Variants in TMEM132D observed in about 807,000 individuals in gnomAD.
TMEM132D encodes the protein transmembrane protein 132D, also known as mature OL transmembrane protein.
Under a neutral mutation model 62.3 loss-of-function variants are expected in TMEM132D, and 21 were observed. The ratio of observed to expected loss-of-function variants is 0.34; its 90% CI spans 0.24 to 0.49. The LOEUF (loss-of-function observed/expected upper bound fraction) is 0.49. Among genes scored for constraint, TMEM132D ranks in the 20% least tolerant of loss-of-function variants. The pLI is 0.99. For missense variants in TMEM132D, 1,346 were observed against 1,402.8 expected (o/e 0.96, Z 0.65); for synonymous variants, 621 against 575.6 (o/e 1.08, Z -1.13).
chr12:129,341,399 G>A (rs990635070), intron 3 of TMEM132D, among the ~76,000 whole-genome samples: 21 of 152,142 alleles, frequency 1.4e-4, no homozygotes, highest in African/African-American at 4.8e-4. Context: ...CATTCAAATT[G>A]CCTGGAGGAA....
At chr12:129,116,501 A>T (rs113170761) in intron 5 of TMEM132D, among the ~76,000 whole-genome samples, 26 of 111,756 alleles carry the variant, frequency 2.3e-4, no homozygotes, top group Non-Finnish European at 3.7e-4. Context: ...ATATCTGATT[A>T]AAAAAAACTA....
At chr12:129,668,666 T>C (rs1433109411) in intron 2 of TMEM132D, among the ~76,000 whole-genome samples, 2 of 152,224 alleles carry the variant, frequency 1.3e-5, no homozygotes, top group Non-Finnish European at 2.9e-5. Context: ...ATTTGAAGCA[T>C]ATTTGTTCCT....
intron 4 of TMEM132D, among the ~76,000 whole-genome samples, chr12:129,254,582 A>T (rs928356733): frequency 2.8e-4 from 43 of 152,148 alleles, no homozygotes; most frequent in Non-Finnish European, 2.9e-5. Context: ...AAATGAGATT[A>T]TGTCTGTAAA....
At chr12:129,882,909 C>T (rs1423257011) in intron 1 of TMEM132D, among the ~76,000 whole-genome samples, 1 of 152,144 alleles carries the variant, frequency 6.6e-6, no homozygotes, top group Non-Finnish European at 1.5e-5. Flanking sequence ...AAGAAACCTA[C>T]AACTAACATC....
chr12:129,335,104 T>C (rs541699837), intron 4 of TMEM132D, among the ~76,000 whole-genome samples: 6 of 150,694 alleles, frequency 4.0e-5, no homozygotes, highest in African/African-American at 9.7e-5. Context: ...GTGTTTGCTA[T>C]AGGCTGGGTA....
rs555009817 is a variant in TMEM132D at position 129,842,434 on chromosome 12, C to A, written c.79+60827G>T. Among the ~76,000 whole-genome samples, 5 of 151,074 alleles carry A rather than the reference C, an allele frequency of 3.3e-5. No homozygotes were observed. The East Asian group carries it at 1.0e-3, about 30-fold the overall frequency. ...CGATGTCTTGCCAATCCTACTGATG[C>A]CATTGAGGCAGAAATATTTCTTTTT... On this transcript the variant is annotated intron_variant, in intron 1 of 8. Transcript: ENST00000422113.
chr12:129,782,231 C>T (rs1453011216), intron 1 of TMEM132D, among the ~76,000 whole-genome samples: 1 of 152,148 alleles, frequency 6.6e-6, no homozygotes, highest in East Asian at 1.9e-4. Context: ...GTGAAAATTT[C>T]CTTTGAGCAC....
intron 1 of TMEM132D, among the ~76,000 whole-genome samples, chr12:129,834,040 A>T (rs1593180366): frequency 6.6e-6 from 1 of 152,182 alleles, no homozygotes; most frequent in East Asian, 1.9e-4. Context: ...CCTCCCCAGG[A>T]ACTTTCGGAT....
intron 5 of TMEM132D, among the ~76,000 whole-genome samples, chr12:129,184,045 GA>G (rs937307087): frequency 2.0e-5 from 3 of 151,510 alleles, no homozygotes; most frequent in Non-Finnish European, 4.4e-5. Context: ...ACCACAGTGA[GA>G]AAAAAAAAGC....
chr12:129,278,286 T>C (rs1444591564), intron 4 of TMEM132D, among the ~76,000 whole-genome samples: 1 of 152,134 alleles, frequency 6.6e-6, no homozygotes, highest in Non-Finnish European at 1.5e-5. Flanking sequence ...TGGGAATTAC[T>C]CAGTGGTAAC....
At chr12:129,877,244 T>A (rs967823579) in intron 1 of TMEM132D, among the ~76,000 whole-genome samples, 12 of 151,490 alleles carry the variant, frequency 7.9e-5, no homozygotes, top group African/African-American at 2.9e-4. Context: ...TGAGACAGAA[T>A]GAAATAGAAA....
intron 2 of TMEM132D, among the ~76,000 whole-genome samples, chr12:129,586,346 A>T (rs1487058102): frequency 2.6e-5 from 4 of 152,162 alleles, no homozygotes; most frequent in Non-Finnish European, 5.9e-5. Flanking sequence ...TTAAGATGAA[A>T]CTGTGACCTA....
intron 5 of TMEM132D, among the ~76,000 whole-genome samples, chr12:129,163,395 C>T (rs1211181908): frequency 6.6e-6 from 1 of 152,158 alleles, no homozygotes; most frequent in Non-Finnish European, 1.5e-5. Flanking sequence ...CATCCTCTGC[C>T]GTTCTCTTCC....
chr12:129,694,270 C>T (rs1565951365), intron 2 of TMEM132D, among the ~76,000 whole-genome samples: 1 of 152,162 alleles, frequency 6.6e-6, no homozygotes, highest in Non-Finnish European at 1.5e-5. Context: ...GTTTTCCTCC[C>T]CCAAACCCAT....
At chr12:129,547,911 G>T (rs1876784372) in intron 2 of TMEM132D, among the ~76,000 whole-genome samples, 1 of 152,150 alleles carries the variant, frequency 6.6e-6, no homozygotes, top group South Asian at 2.1e-4. Flanking sequence ...GACTCCAGGA[G>T]CTCTGTTCTT....
chr12:129,480,438 C>G (rs1261684010), intron 3 of TMEM132D, among the ~76,000 whole-genome samples: 2 of 152,218 alleles, frequency 1.3e-5, no homozygotes. Context: ...ATGCAGGGAG[C>G]AGACAGGGAA....
intron 2 of TMEM132D, among the ~76,000 whole-genome samples, chr12:129,658,606 G>A (rs1880156569): frequency 6.6e-6 from 1 of 152,146 alleles, no homozygotes; most frequent in Admixed American, 6.5e-5. Flanking sequence ...ACTGCTTGAC[G>A]AATAGAGTAT....
intron 4 of TMEM132D, among the ~76,000 whole-genome samples, chr12:129,218,757 G>A (rs2135572333): frequency 6.6e-6 from 1 of 152,290 alleles, no homozygotes; most frequent in South Asian, 2.1e-4. Flanking sequence ...AGTCACCAAA[G>A]TGCAACTTGG....
intron 3 of TMEM132D, among the ~76,000 whole-genome samples, chr12:129,368,851 G>A (rs10847842): frequency 0.35 from 52,421 of 151,826 alleles, 9,363 homozygotes; most frequent in African/African-American, 0.43. Context: ...TCTACTTCAC[G>A]TAATTTTCAG....
Sources: allele counts gnomAD v4.1 joint callset (sites outside exome capture counted in the v4.1 genomes callset), GRCh38; gene constraint gnomAD v4.1.1; transcripts MANE v1.5; gene names NCBI Gene and HGNC (gene_info 2026-07-23, HGNC 2026-07-21).